SUPT16H: variants seen among roughly 807,000 people sequenced by gnomAD.
The protein encoded by SUPT16H is SPT16 homolog, facilitates chromatin remodeling subunit.
SUPT16H carries 24 observed loss-of-function variants against 136.2 expected under a neutral mutation model. The observed-to-expected ratio is 0.18, with a 90% CI of 0.13 to 0.25. The LOEUF is 0.25. SUPT16H is among the 10% of genes least tolerant of loss of function. The probability of loss-of-function intolerance (pLI) is 1.00; values close to 1 mark genes in which losing one functional copy is unlikely to be tolerated. For synonymous variants in SUPT16H, 415 were observed against 428.2 expected (o/e 0.97, Z 0.38); for missense variants, 623 against 1,270.2 (o/e 0.49, Z 7.74).
At position 21,370,374 on chromosome 14, in the gene SUPT16H, T is replaced by A. The variant is rs1305937666; in HGVS notation, c.445A>T (p.Ser149Cys). Residue 149 changes from serine (S) to cysteine (C), a missense_variant, in exon 4 of 26, where the codon AGC becomes TGC. Around this residue, in one of 7 missense-constraint regions of SUPT16H, gnomAD observed 343 missense variants for 525.7 expected, o/e 0.65. Coordinates refer to ENST00000216297, the MANE Select transcript of SUPT16H (RefSeq NM_007192.4). ...KDKFPGEFMK[S>C]WNDCLNKEGF... is the part of the protein sequence containing the mutation. The stretch of plus-strand genomic sequence containing the variant: ...TCTTTGTTGAGGCAGTCATTCCAGC[T>A]CTTCATGAACTCTCCAGGGAATTTG... 9 of 1,613,028 alleles carry A rather than the reference T, an allele frequency of 5.6e-6. No homozygotes were observed. Among genetic ancestry groups the A allele is most frequent in the Non-Finnish European group, 6.8e-6 (8 of 1,179,976 alleles).
chr14:21,375,481 T>C (rs930434780), intron 1 of SUPT16H, among the ~76,000 whole-genome samples: 7 of 17,222 alleles, frequency 4.1e-4, no homozygotes, highest in Admixed American at 1.4e-3. Flanking sequence ...TTTCATATTC[T>C]AGACACAGGA....
intron 1 of SUPT16H, among the ~76,000 whole-genome samples, chr14:21,376,209 T>C (rs1466656243): frequency 6.6e-6 from 1 of 152,222 alleles, no homozygotes; most frequent in African/African-American, 2.4e-5. Flanking sequence ...TTCACGTTTA[T>C]TCCACTCTTC....
At chr14:21,364,718 T>C in intron 10 of SUPT16H, 109 bp downstream of exon 10, 1 of 875,700 alleles carries the variant, frequency 1.1e-6, no homozygotes, top group Non-Finnish European at 1.8e-6. Context: ...GTCACACGGA[T>C]TCTTCCCCTT....
Position 21,356,744 on chromosome 14 carries a change from A to C in SUPT16H, c.2660+453T>G, listed in dbSNP as rs192979856. ...AACACAGTGAGACCCTGTCTCAAAC[A>C]ACCACCACCACCACCACTACAAAAT... On this transcript the variant is annotated intron_variant, in intron 22 of 25. Coordinates refer to ENST00000216297, the MANE Select transcript of SUPT16H (RefSeq NM_007192.4). Among the ~76,000 whole-genome samples, 576 of 152,174 alleles carry C rather than the reference A, an allele frequency of 3.8e-3. 2 individuals are homozygous for C. Among genetic ancestry groups the C allele is most frequent in the Middle Eastern group, 6.8e-3 (2 of 294 alleles).
chr14:21,363,676 T>C (rs1260065568), intron 10 of SUPT16H, among the ~76,000 whole-genome samples, 173 bp from the exon 11 acceptor site: 1 of 152,162 alleles, frequency 6.6e-6, no homozygotes, highest in East Asian at 1.9e-4. Flanking sequence ...GCTACAATTT[T>C]TTTTCTTTTT....
At chr14:21,360,781 G>T (rs548528844) in intron 17 of SUPT16H, 65 bp downstream of exon 17, 31 of 1,561,168 alleles carry the variant, frequency 2.0e-5, no homozygotes, top group Non-Finnish European at 2.4e-5. Context: ...TTTATTATCT[G>T]ATCTGTCATT....
chr14:21,371,000 C>A (rs1886774305), intron 3 of SUPT16H, among the ~76,000 whole-genome samples: 1 of 152,066 alleles, frequency 6.6e-6, no homozygotes, highest in South Asian at 2.1e-4. Flanking sequence ...TGGTCTTGAA[C>A]TCCAGACCTC....
chr14:21,381,216 G>T (rs1340979180), intron 1 of SUPT16H, among the ~76,000 whole-genome samples: 1 of 151,958 alleles, frequency 6.6e-6, no homozygotes, highest in Non-Finnish European at 1.5e-5. Context: ...TAATATTTTT[G>T]AAATTTCTAT....
intron 1 of SUPT16H, among the ~76,000 whole-genome samples, chr14:21,377,919 C>A (rs1390924959): frequency 1.1e-4 from 16 of 152,162 alleles, no homozygotes; most frequent in African/African-American, 3.1e-4. Context: ...TGAACCACTG[C>A]GCCTGGCCCA....
At position 21,363,493 on chromosome 14, in the gene SUPT16H, G is replaced by C. The variant is rs61739513; in HGVS notation, c.1244C>G (p.Ala415Gly). Residue 415 changes from alanine (A) to glycine (G), a missense_variant, in exon 11 of 26, where the codon GCT becomes GGT. Ala to Gly is a moderately conservative substitution (Grantham distance 60). Around this residue, in one of 7 missense-constraint regions of SUPT16H, gnomAD observed 343 missense variants for 525.7 expected, o/e 0.65. Coordinates refer to ENST00000216297, the MANE Select transcript of SUPT16H (RefSeq NM_007192.4). ...DTVLVDEDGPATVLTSVKKKV... is the reference protein window; with the variant it reads ...DTVLVDEDGPGTVLTSVKKKV... ...CTTCTTCACAGAAGTGAGAACAGTA[G>C]CTGGGCCATCCTAGAATTAAAAGGA... 38,201 of 1,612,468 alleles carry C rather than the reference G, an allele frequency of 0.024. 485 individuals are homozygous for C. The highest frequency in any genetic ancestry group is 0.034 in the African/African-American group (2,557 of 74,964).
intron 22 of SUPT16H, among the ~76,000 whole-genome samples, chr14:21,355,215 C>T (rs1212028243): frequency 6.6e-6 from 1 of 152,056 alleles, no homozygotes; most frequent in Non-Finnish European, 1.5e-5. Context: ...CAATTTTCAG[C>T]CGGGTGCGGT....
At chr14:21,357,897 T>C in intron 21 of SUPT16H, 30 bp downstream of exon 21, 1 of 1,598,392 alleles carries the variant, frequency 6.3e-7, no homozygotes, top group Non-Finnish European at 8.6e-7. Flanking sequence ...CTAACAATTT[T>C]CTTACTAAAA....
chr14:21,369,163 T>C, intron 6 of SUPT16H, 41 bp downstream of exon 6: 1 of 1,575,066 alleles, frequency 6.3e-7, no homozygotes, highest in Non-Finnish European at 8.6e-7. Context: ...AAAAATAGGC[T>C]AAAGTCAAAA....
chr14:21,369,296 G>A lies in SUPT16H; in HGVS notation c.690C>T (p.Tyr230=), dbSNP rs1205343946. ...SVEKAIEEKK[Y]LAGADPSTVE... is the part of the protein sequence containing the mutation. Reference sequence around the variant, plus strand: ...CAGTAGAAGGGTCTGCCCCAGCAAGGTATTTTTTCTCTTCAATGGCCTTTT... The same window carrying A: ...CAGTAGAAGGGTCTGCCCCAGCAAGATATTTTTTCTCTTCAATGGCCTTTT... Residue 230 remains tyrosine (Y), a synonymous_variant, in exon 6 of 26, where the codon TAC becomes TAT. Coordinates refer to ENST00000216297, the MANE Select transcript of SUPT16H (RefSeq NM_007192.4). The A allele has an allele frequency of 6.2e-7, 1 of 1,614,034 alleles. No homozygotes were observed. Among genetic ancestry groups the A allele is most frequent in the African/African-American group, 1.3e-5 (1 of 74,904 alleles).
intron 22 of SUPT16H, among the ~76,000 whole-genome samples, chr14:21,356,935 C>T (rs1274297143): frequency 6.6e-6 from 1 of 152,160 alleles, no homozygotes; most frequent in Admixed American, 6.5e-5. Flanking sequence ...TGAGACCAGC[C>T]TGGGCAACAC....
rs1435405382 is a variant in SUPT16H at position 21,354,448 on chromosome 14, T to A, written c.2753A>T (p.Glu918Val). The change falls in exon 23 of 26, where the codon GAA becomes GTA. Residue 918 changes from glutamate (E) to valine (V), a missense_variant. Glu to Val is a moderately radical substitution (Grantham distance 121, BLOSUM62 -2). This residue lies in a region of SUPT16H where 74 missense variants were observed against 193.8 expected (regional missense o/e 0.38). Transcript: ENST00000216297. The stretch of plus-strand genomic sequence containing the variant: ...CTCCAGGAAAGACCAGCCACCTTGT[T>A]CGAAGAAGCCCTCAGGGTCATCAAC... ...TIVDDPEGFF[E>V]QGGWSFLEPE... The A allele has an allele frequency of 3.1e-6, 5 of 1,614,204 alleles. No homozygotes were observed. Among genetic ancestry groups the A allele is most frequent in the Non-Finnish European group, 4.2e-6 (5 of 1,180,012 alleles).
In SUPT16H at chr14:21,356,245, C is replaced by T. The variant is rs955113392; in HGVS notation, c.2660+952G>A. Among the ~76,000 whole-genome samples, 26 of 152,320 alleles carry T rather than the reference C, an allele frequency of 1.7e-4. No homozygotes were observed. The South Asian group carries it at 2.3e-3, about 13-fold the overall frequency. ...GTCTTTGGTGGAGGGATGATCTACA[C>T]ATTCATGAGAAAACTGGAACTGCAT... On this transcript the variant is annotated intron_variant, in intron 22 of 25. Transcript: ENST00000216297.
chr14:21,375,292 G>A (rs895437547), intron 1 of SUPT16H, among the ~76,000 whole-genome samples: 4 of 152,086 alleles, frequency 2.6e-5, no homozygotes, highest in Non-Finnish European at 4.4e-5. Flanking sequence ...TGGGATTACA[G>A]GCATGAGCCA....
At chr14:21,365,220 C>G in intron 8 of SUPT16H, 77 bp from the exon 9 acceptor site, 1 of 1,335,542 alleles carries the variant, frequency 7.5e-7, no homozygotes, top group Non-Finnish European at 1.1e-6. Flanking sequence ...TTCATTTCAA[C>G]TTTCACAATA....
Sources: allele counts gnomAD v4.1 joint callset (sites outside exome capture counted in the v4.1 genomes callset), GRCh38; gene constraint gnomAD v4.1.1; regional missense constraint gnomAD v4.1.1; transcripts MANE v1.5; gene names NCBI Gene and HGNC (gene_info 2026-07-23, HGNC 2026-07-21).